SCAPER: variants seen among roughly 807,000 people sequenced by gnomAD.
SCAPER encodes the protein S-phase cyclin A associated protein in the ER, also known as S phase cyclin A-associated protein in the endoplasmic reticulum.
Under a neutral mutation model 182.2 loss-of-function variants are expected in SCAPER, and 98 were observed. That is an observed-to-expected ratio of 0.54 (90% CI 0.46 to 0.64). The LOEUF (loss-of-function observed/expected upper bound fraction) is 0.64. SCAPER is among the 30% of genes least tolerant of loss of function. SCAPER has a pLI of 0.00. For missense variants in SCAPER, 1,432 were observed against 1,690.0 expected (o/e 0.85, Z 2.68); for synonymous variants, 605 against 564.6 (o/e 1.07, Z -1.01).
At chr15:76,902,927 GGTGA>G (rs2074873677) in intron 1 of SCAPER, among the ~76,000 whole-genome samples, 1 of 152,142 alleles carries the variant, frequency 6.6e-6, no homozygotes, top group Non-Finnish European at 1.5e-5. Flanking sequence ...CAGGCATGGT[GGTGA>G]GTGCCTGTAG....
intron 5 of SCAPER, among the ~76,000 whole-genome samples, chr15:76,826,324 A>G (rs1322536009): frequency 2.0e-5 from 3 of 149,036 alleles, no homozygotes; most frequent in African/African-American, 7.4e-5. Flanking sequence ...AAAAAACCAA[A>G]CACCGCATAT....
chr15:76,423,778 C>T (rs986123267), intron 26 of SCAPER, among the ~76,000 whole-genome samples: 3 of 152,316 alleles, frequency 2.0e-5, no homozygotes, highest in Non-Finnish European at 2.9e-5. Flanking sequence ...TTTCCCTCTA[C>T]ACACTGCTTT....
intron 24 of SCAPER, among the ~76,000 whole-genome samples, chr15:76,482,819 T>C (rs529271040): frequency 6.6e-6 from 1 of 152,224 alleles, no homozygotes; most frequent in Admixed American, 6.5e-5. Context: ...TTATTCTAGA[T>C]GAGGGAAAAC....
chr15:76,617,523 C>T (rs2051604548), intron 22 of SCAPER, among the ~76,000 whole-genome samples: 1 of 152,184 alleles, frequency 6.6e-6, no homozygotes, highest in South Asian at 2.1e-4. Flanking sequence ...CCTAACATAA[C>T]CAGCTAGGTG....
At chr15:76,451,022 T>C (rs919732372) in intron 25 of SCAPER, among the ~76,000 whole-genome samples, 1 of 152,258 alleles carries the variant, frequency 6.6e-6, no homozygotes, top group Non-Finnish European at 1.5e-5. Flanking sequence ...AAGTCAATGT[T>C]CCCTTTTGCC....
intron 24 of SCAPER, among the ~76,000 whole-genome samples, chr15:76,488,812 GC>G (rs2051963310): frequency 7.4e-6 from 1 of 134,802 alleles, no homozygotes. Flanking sequence ...TGCAACCTCT[GC>G]CCCCCAGGTT....
intron 5 of SCAPER, among the ~76,000 whole-genome samples, chr15:76,826,233 T>A (rs1463606240): frequency 6.6e-6 from 1 of 151,804 alleles, no homozygotes; most frequent in East Asian, 1.9e-4. Flanking sequence ...TATGCAGTCA[T>A]AAAAAATGAT....
At position 76,717,388 on chromosome 15, in the gene SCAPER, C is replaced by T. The variant is rs565329511; in HGVS notation, c.2165+11207G>A. 1.2e-4 allele frequency among the ~76,000 whole-genome samples: 18 copies of T among 152,094 alleles called. No individual in the cohort carries two copies. The South Asian group carries it at 2.7e-3, about 23-fold the overall frequency. On this transcript the variant is annotated intron_variant, in intron 17 of 31. Coordinates refer to ENST00000563290, the MANE Select transcript of SCAPER (RefSeq NM_020843.4). Reference sequence around the variant, plus strand: ...AATACTTAGTCAAATCAGAATACTTCGAAACTGTAAGTGTGGTATGTAAAC... The same window carrying T: ...AATACTTAGTCAAATCAGAATACTTTGAAACTGTAAGTGTGGTATGTAAAC...
At chr15:76,526,774 C>G (rs548185553) in intron 23 of SCAPER, among the ~76,000 whole-genome samples, 1 of 151,774 alleles carries the variant, frequency 6.6e-6, no homozygotes, top group African/African-American at 2.4e-5. Flanking sequence ...TCATTTTTGC[C>G]TCTTTTTTCA....
At chr15:76,828,089 C>T (rs949719669) in intron 5 of SCAPER, among the ~76,000 whole-genome samples, 2 of 152,076 alleles carry the variant, frequency 1.3e-5, no homozygotes, top group African/African-American at 4.8e-5. Context: ...AGCCCCCTCA[C>T]CATGTGATGT....
rs181426214 is a variant in SCAPER at position 76,579,037 on chromosome 15, C to T, written c.2712-4753G>A. Among the ~76,000 whole-genome samples, 283 of 152,040 alleles carry T rather than the reference C, an allele frequency of 1.9e-3. 1 individual carries two copies. Among genetic ancestry groups the T allele is most frequent in the Admixed American group, 4.7e-3 (72 of 15,264 alleles). ...TAAAATAATCTTTGGGAGGCTGAGGCGGGCAGATCACAAGGACAGGAGATC... is the reference window on the plus strand; with the variant it reads ...TAAAATAATCTTTGGGAGGCTGAGGTGGGCAGATCACAAGGACAGGAGATC... On this transcript the variant is annotated intron_variant, in intron 22 of 31. Coordinates refer to ENST00000563290, the MANE Select transcript of SCAPER (RefSeq NM_020843.4).
intron 15 of SCAPER, among the ~76,000 whole-genome samples, chr15:76,734,050 C>T (rs1315222601): frequency 2.0e-5 from 3 of 152,134 alleles, no homozygotes; most frequent in Non-Finnish European, 4.4e-5. Flanking sequence ...ATACAAATTA[C>T]ACAAACATTG....
At chr15:76,857,145 G>T (rs139876796) in intron 4 of SCAPER, among the ~76,000 whole-genome samples, 1 of 152,050 alleles carries the variant, frequency 6.6e-6, no homozygotes, top group Non-Finnish European at 1.5e-5. Flanking sequence ...GAAATTAACC[G>T]CTGAGGGCTG....
intron 21 of SCAPER, among the ~76,000 whole-genome samples, chr15:76,638,479 T>C (rs1352852756): frequency 6.6e-6 from 1 of 152,184 alleles, no homozygotes; most frequent in Non-Finnish European, 1.5e-5. Flanking sequence ...CTAAGTATGA[T>C]ATGTCCTCTA....
chr15:76,453,916 T>G (rs1596710525), intron 25 of SCAPER, among the ~76,000 whole-genome samples: 1 of 152,230 alleles, frequency 6.6e-6, no homozygotes. Flanking sequence ...AGTTATCATC[T>G]GTGTCTATTT....
At chr15:76,397,568 C>T (rs2044160293) in intron 27 of SCAPER, among the ~76,000 whole-genome samples, 1 of 150,236 alleles carries the variant, frequency 6.7e-6, no homozygotes, top group African/African-American at 2.5e-5. Flanking sequence ...GCAACCTCCA[C>T]CTCCCAGGTT....
chr15:76,832,219 C>CCAACGCAA (rs2068548092), intron 5 of SCAPER, among the ~76,000 whole-genome samples: 1 of 152,142 alleles, frequency 6.6e-6, no homozygotes, highest in Non-Finnish European at 1.5e-5. Flanking sequence ...AGGCTGAAAA[C>CCAACGCAA]CAACGCAAGG....
At position 76,547,930 on chromosome 15, in the gene SCAPER, C is replaced by A. The variant is rs192690873; in HGVS notation, c.2838+26228G>T. Among the ~76,000 whole-genome samples the A allele has an allele frequency of 5.3e-5, 8 of 152,108 alleles. No homozygotes were observed. In the East Asian group the frequency reaches 1.5e-3, roughly 29 times the overall value. ...ACTTTTAGAATCATTTTGTAATATT[C>A]CATGAAAATGTCTATTGCTGTTTTG... On this transcript the variant is annotated intron_variant, in intron 23 of 31. Coordinates refer to ENST00000563290, the MANE Select transcript of SCAPER (RefSeq NM_020843.4).
chr15:76,645,531 T>A (rs1348141566), intron 21 of SCAPER, among the ~76,000 whole-genome samples: 1 of 152,064 alleles, frequency 6.6e-6, no homozygotes, highest in Non-Finnish European at 1.5e-5. Flanking sequence ...TCAGCCTTTT[T>A]TTTTTTTGGT....
Sources: allele counts gnomAD v4.1 joint callset (sites outside exome capture counted in the v4.1 genomes callset), GRCh38; gene constraint gnomAD v4.1.1; transcripts MANE v1.5; gene names NCBI Gene and HGNC (gene_info 2026-07-23, HGNC 2026-07-21).